SHISA9: variants seen among roughly 807,000 people sequenced by gnomAD.
SHISA9 encodes the protein protein shisa-9.
A neutral mutation model predicts 38.0 loss-of-function variants in SHISA9; 13 were observed. The observed-to-expected ratio is 0.34, with a 90% CI of 0.22 to 0.54. The LOEUF is 0.54. SHISA9 is among the 20% of genes least tolerant of loss of function. SHISA9 has a pLI of 0.91. For synonymous variants in SHISA9, 275 were observed against 242.0 expected, an observed-to-expected ratio of 1.14 and a Z score of -1.27; for missense variants, 538 against 575.8, an observed-to-expected ratio of 0.93 and a Z score of 0.67.
At chr16:13,463,175 A>G in the SHISA9 span, among the ~76,000 whole-genome samples, 2 of 152,104 alleles carry the variant, frequency 1.3e-5, no homozygotes, top group African/African-American at 2.4e-5. Flanking sequence ...ACAAACAAAA[A>G]ACCCTGCAGT....
chr16:13,373,534 G>A, the SHISA9 span, among the ~76,000 whole-genome samples: 110 of 152,248 alleles, frequency 7.2e-4, no homozygotes, highest in African/African-American at 2.4e-3. Flanking sequence ...AGGCCGAGGC[G>A]GGCAGATCAT....
At chr16:13,028,083 G>A (rs1442681263) in intron 2 of SHISA9, among the ~76,000 whole-genome samples, 1 of 152,052 alleles carries the variant, frequency 6.6e-6, no homozygotes, top group Non-Finnish European at 1.5e-5. Context: ...AAACAGGTAT[G>A]TGAAACAACC....
the SHISA9 span, among the ~76,000 whole-genome samples, chr16:13,454,897 T>G: frequency 2.0e-5 from 3 of 152,232 alleles, no homozygotes; most frequent in African/African-American, 7.2e-5. Flanking sequence ...GGCAGTCTCA[T>G]GGCCAGACCA....
At chr16:13,078,872 G>T (rs949156348) in intron 2 of SHISA9, among the ~76,000 whole-genome samples, 7 of 152,204 alleles carry the variant, frequency 4.6e-5, no homozygotes, top group Middle Eastern at 3.2e-3. Context: ...CAGTGGGGGT[G>T]CTCACAGTCT....
chr16:12,996,693 G>C (rs2072461627), intron 2 of SHISA9, among the ~76,000 whole-genome samples: 2 of 152,072 alleles, frequency 1.3e-5, no homozygotes, highest in South Asian at 4.2e-4. Flanking sequence ...GTGTCTCAAG[G>C]GTCCCATAGA....
chr16:13,551,794 C>T, the SHISA9 span, among the ~76,000 whole-genome samples: 2 of 152,084 alleles, frequency 1.3e-5, no homozygotes, highest in Non-Finnish European at 1.5e-5. Context: ...TTTGGGAGGC[C>T]GAGGTGGGCA....
intron 2 of SHISA9, among the ~76,000 whole-genome samples, chr16:13,137,811 A>G (rs1171287601): frequency 6.6e-6 from 1 of 152,156 alleles, no homozygotes; most frequent in Non-Finnish European, 1.5e-5. Context: ...TGCATGCTGC[A>G]TCTAACTATT....
intron 2 of SHISA9, among the ~76,000 whole-genome samples, chr16:12,968,836 A>G (rs1455056591): frequency 6.6e-6 from 1 of 152,146 alleles, no homozygotes; most frequent in Non-Finnish European, 1.5e-5. Context: ...TAAATGAGTG[A>G]GTGTGGCTGT....
chr16:13,035,370 T>C (rs2073042719), intron 2 of SHISA9, among the ~76,000 whole-genome samples: 1 of 152,156 alleles, frequency 6.6e-6, no homozygotes, highest in African/African-American at 2.4e-5. Flanking sequence ...CAGGTCTTTT[T>C]CACTCTATCA....
rs1356000687 is a variant in SHISA9, at chr16:13,235,010, C to T, written c.896-20C>T. The T allele has an allele frequency of 6.6e-7, 1 of 1,515,576 alleles. No homozygotes were observed. Among genetic ancestry groups the T allele is most frequent in the East Asian group, 2.5e-5 (1 of 40,312 alleles). The allele number at this position is 1,515,576 out of a possible 1,614,324, so 93.9% of individuals were successfully genotyped here. A position where few individuals can be genotyped will look rare whatever the true frequency, so the allele number is the denominator to read the frequency against. The stretch of plus-strand genomic sequence containing the variant: ...TCTTCTCTTTCTTCCCCTTCTTCAT[C>T]CACCCGTTCCGATGTGTAGCTGACA... On this transcript the variant is annotated intron_variant, in intron 4 of 4. Transcript: ENST00000558583.
chr16:13,245,829 C>T, the SHISA9 span, among the ~76,000 whole-genome samples: 2 of 152,246 alleles, frequency 1.3e-5, no homozygotes, highest in Admixed American at 1.3e-4. Flanking sequence ...ATGGATGTCC[C>T]CATTTCTTCA....
At chr16:13,098,052 C>T (rs959544848) in intron 2 of SHISA9, among the ~76,000 whole-genome samples, 5 of 152,168 alleles carry the variant, frequency 3.3e-5, no homozygotes, top group Non-Finnish European at 4.4e-5. Context: ...AATTTGGCAC[C>T]ACTGTTACCA....
intron 2 of SHISA9, among the ~76,000 whole-genome samples, chr16:13,157,795 A>G (rs1332873149): frequency 6.6e-6 from 1 of 152,140 alleles, no homozygotes; most frequent in Non-Finnish European, 1.5e-5. Context: ...GGAGGCATTC[A>G]TTCATTCCCA....
the SHISA9 span, among the ~76,000 whole-genome samples, chr16:13,445,138 A>C: frequency 6.6e-6 from 1 of 151,494 alleles, no homozygotes; most frequent in African/African-American, 2.4e-5. Context: ...CTAGGATTAC[A>C]GGTGTGAGCC....
At chr16:13,207,545 GGACACCTTCCCCAGTCCTA>G (rs1362329712) in intron 3 of SHISA9, among the ~76,000 whole-genome samples, 151 of 152,210 alleles carry the variant, frequency 9.9e-4, no homozygotes, top group African/African-American at 3.2e-3. Flanking sequence ...ATCCCACGTG[GGACACCTTCCCCAGTCCTA>G]GATGGGGTTG....
At chr16:13,107,420 G>A (rs1226392094) in intron 2 of SHISA9, among the ~76,000 whole-genome samples, 5 of 151,822 alleles carry the variant, frequency 3.3e-5, no homozygotes, top group East Asian at 3.9e-4. Flanking sequence ...GGGCGACAGA[G>A]AGACTCGGTC....
the SHISA9 span, among the ~76,000 whole-genome samples, chr16:13,272,993 C>T: frequency 6.6e-6 from 1 of 152,138 alleles, no homozygotes; most frequent in African/African-American, 2.4e-5. Context: ...CTTTCTCTCT[C>T]ATTTCCTGAA....
intron 2 of SHISA9, among the ~76,000 whole-genome samples, chr16:13,060,116 G>A (rs981467908): frequency 6.6e-6 from 1 of 152,188 alleles, no homozygotes; most frequent in Non-Finnish European, 1.5e-5. Flanking sequence ...TTAAGTGCAG[G>A]TGGCTCCACT....
chr16:13,287,502 G>T, the SHISA9 span, among the ~76,000 whole-genome samples: 1 of 152,158 alleles, frequency 6.6e-6, no homozygotes, highest in Non-Finnish European at 1.5e-5. Flanking sequence ...AGATAGAATA[G>T]ATGTTGAACC....
Sources: gnomAD v4.1 joint callset for allele counts (sites outside exome capture counted in the v4.1 genomes callset) on GRCh38, gnomAD v4.1.1 for gene constraint, MANE v1.5 for transcripts, NCBI Gene and HGNC (gene_info 2026-07-23, HGNC 2026-07-21) for gene names.